Variants in HYDIN observed in about 807,000 individuals in gnomAD.
HYDIN encodes HYDIN axonemal central pair apparatus protein, also known as axonemal central pair apparatus protein HYDIN.
In HYDIN, 132 loss-of-function variants were observed where a neutral mutation model predicts 403.9. That is an observed-to-expected ratio of 0.33 (90% confidence interval 0.28 to 0.38). The LOEUF (loss-of-function observed/expected upper bound fraction) is 0.38, where lower values mean the gene tolerates loss of function less well. HYDIN is among the 10% of genes least tolerant of loss of function. The pLI is 1.00. For synonymous variants in HYDIN, 1,202 were observed against 1,891.7 expected (o/e 0.64, Z 9.46); for missense variants, 2,827 against 5,009.5 (o/e 0.56, Z 13.15).
intron 62 of HYDIN, among the ~76,000 whole-genome samples, chr16:70,876,208 C>T (rs1351841973): frequency 1.3e-5 from 2 of 148,802 alleles, no homozygotes; most frequent in East Asian, 2.0e-4. Context: ...AATTTTGATA[C>T]GGAATCTCAC....
chr16:71,183,016 A>G (rs1416060430), intron 3 of HYDIN, among the ~76,000 whole-genome samples: 4 of 152,106 alleles, frequency 2.6e-5, no homozygotes, highest in African/African-American at 4.8e-5. Flanking sequence ...CATGGAAGCA[A>G]TATGTTCTGA....
chr16:70,917,037 C>A (rs1381540452), intron 47 of HYDIN, among the ~76,000 whole-genome samples: 24 of 152,142 alleles, frequency 1.6e-4, no homozygotes, highest in Non-Finnish European at 2.9e-4. Flanking sequence ...ATCCTCCCAC[C>A]TCAGCCTCCT....
chr16:70,830,686 T>C (rs1399347003), intron 80 of HYDIN, among the ~76,000 whole-genome samples: 6 of 151,076 alleles, frequency 4.0e-5, no homozygotes. Context: ...GAAGAGCCAA[T>C]AGCATTTACT....
At position 70,810,102 on chromosome 16, in the gene HYDIN, C is replaced by T. The variant is rs1377958271; in HGVS notation, c.14659-95G>A. 5 of 1,122,246 alleles carry T rather than the reference C, an allele frequency of 4.5e-6. No homozygotes were observed. The East Asian group carries it at 1.2e-4, about 26-fold the overall frequency. The allele number at this position is 1,122,246 out of a possible 1,614,324, so 69.5% of individuals were successfully genotyped here. A position where few individuals can be genotyped will look rare whatever the true frequency, so the allele number is the denominator to read the frequency against. ...CCAAGGCTCCATAGCAGGTTGGGGG[C>T]AGAAATAGTGCACATGATCATGCTG... is the stretch of plus-strand genomic sequence containing the variant. On this transcript the variant is annotated intron_variant, in intron 84 of 85. Coordinates refer to ENST00000393567, the MANE Select transcript of HYDIN (RefSeq NM_001270974.2).
At chr16:70,972,914 C>A (rs1393773996) in intron 35 of HYDIN, among the ~76,000 whole-genome samples, 2 of 152,198 alleles carry the variant, frequency 1.3e-5, no homozygotes, top group East Asian at 1.9e-4. Context: ...ATTTTTCTGC[C>A]AAATGAGTTT....
intron 23 of HYDIN, 135 bp from the exon 24 acceptor site, chr16:70,992,345 C>CTAG: frequency 1.6e-6 from 2 of 1,228,468 alleles, no homozygotes; most frequent in Non-Finnish European, 2.1e-6. Flanking sequence ...GACCACCCTA[C>CTAG]ACCCTCCCTT....
chr16:71,223,003 C>A (rs1196666490), intron 1 of HYDIN, among the ~76,000 whole-genome samples: 1 of 152,078 alleles, frequency 6.6e-6, no homozygotes. Flanking sequence ...CAAAAAAGAG[C>A]TCACAAAGCT....
intron 27 of HYDIN, among the ~76,000 whole-genome samples, chr16:70,986,311 AAC>A (rs2079190831): frequency 6.6e-6 from 1 of 150,818 alleles, no homozygotes; most frequent in African/African-American, 2.4e-5. Flanking sequence ...CAGGCCCAAT[AAC>A]CACAAACAGG....
intron 23 of HYDIN, among the ~76,000 whole-genome samples, chr16:71,008,392 G>A (rs933117740): frequency 7.2e-5 from 11 of 152,198 alleles, no homozygotes; most frequent in African/African-American, 2.7e-4. Flanking sequence ...ACTCTCTGGG[G>A]TTGCTGTATG....
chr16:71,022,282 A>T (rs2080525166), intron 21 of HYDIN, among the ~76,000 whole-genome samples: 1 of 152,196 alleles, frequency 6.6e-6, no homozygotes, highest in South Asian at 2.1e-4. Context: ...ATTCTATTTT[A>T]AAATGACCCC....
chr16:70,914,395 A>G (rs1265006943), intron 47 of HYDIN, among the ~76,000 whole-genome samples: 1 of 151,764 alleles, frequency 6.6e-6, no homozygotes, highest in African/African-American at 2.4e-5. Context: ...TTCATATACG[A>G]TGCTTAGTTT....
intron 21 of HYDIN, among the ~76,000 whole-genome samples, chr16:71,021,102 T>C (rs1217421579): frequency 2.0e-5 from 3 of 151,428 alleles, no homozygotes; most frequent in African/African-American, 7.3e-5. Context: ...GATTTGCCTA[T>C]ATCTTGTTAT....
chr16:71,098,733 T>TAAA (rs56001948), intron 10 of HYDIN, among the ~76,000 whole-genome samples: 2,144 of 128,124 alleles, frequency 0.017, 12 homozygotes, highest in East Asian at 0.075. Flanking sequence ...CTGCCTTTCT[T>TAAA]AAAAAAAAAA....
At position 70,868,635 on chromosome 16, in the gene HYDIN, T is replaced by G; in HGVS notation, c.11245A>C (p.Met3749Leu). ...ADQVPDWDDR[M>L]HTVKWVDVPR... Reference sequence around the variant, plus strand: ...ACGTCCACCCACTTGACTGTGTGCATGCGGTCATCCCAGTCGGGGACCTGG... The same window carrying G: ...ACGTCCACCCACTTGACTGTGTGCAGGCGGTCATCCCAGTCGGGGACCTGG... The change falls in exon 66 of 86, where the codon ATG becomes CTG. Residue 3749 changes from methionine to leucine, a missense_variant. Physicochemically the swap from Met to Leu is conservative, Grantham distance 15. Coordinates refer to ENST00000393567, the MANE Select transcript of HYDIN (RefSeq NM_001270974.2). The G allele has an allele frequency of 1.2e-6, 2 of 1,614,048 alleles. No homozygotes were observed. The highest frequency in any genetic ancestry group is 1.3e-5 in the African/African-American group (1 of 75,010).
intron 8 of HYDIN, among the ~76,000 whole-genome samples, chr16:71,135,253 G>C (rs1386806212): frequency 6.6e-6 from 1 of 152,110 alleles, no homozygotes; most frequent in Non-Finnish European, 1.5e-5. Context: ...AGAAAGGGAA[G>C]AATAAAAGAC....
chr16:71,136,481 CTGGCCGGGCATGG>C (rs1418100464), intron 8 of HYDIN, among the ~76,000 whole-genome samples: 4 of 151,654 alleles, frequency 2.6e-5, no homozygotes, highest in African/African-American at 9.7e-5. Context: ...GCTGATCAAC[CTGGCCGGGCATGG>C]TGGCTCACGC....
chr16:71,020,074 T>C (rs1449766749), intron 22 of HYDIN, 100 bp downstream of exon 22: 4 of 1,003,104 alleles, frequency 4.0e-6, no homozygotes, highest in African/African-American at 3.3e-5. Flanking sequence ...TTTACATCTT[T>C]CTGAGCTGAA....
intron 21 of HYDIN, among the ~76,000 whole-genome samples, chr16:71,021,346 A>G (rs1407721937): frequency 3.3e-5 from 5 of 150,406 alleles, no homozygotes; most frequent in Non-Finnish European, 7.4e-5. Context: ...CCTCCCAAGT[A>G]GCTGGGATTA....
At chr16:71,182,879 A>G (rs1050740840) in intron 3 of HYDIN, among the ~76,000 whole-genome samples, 1 of 152,168 alleles carries the variant, frequency 6.6e-6, no homozygotes, top group African/African-American at 2.4e-5. Context: ...ATAATCCAAC[A>G]AATAAAATAA....
Sources: allele counts gnomAD v4.1 joint callset (sites outside exome capture counted in the v4.1 genomes callset), GRCh38; gene constraint gnomAD v4.1.1; transcripts MANE v1.5; gene names NCBI Gene and HGNC (gene_info 2026-07-23, HGNC 2026-07-21).